The following CPNE8 variants were observed in gnomAD, a reference collection of about 807,000 sequenced individuals.
CPNE8 encodes the protein copine 8, also known as copine-8.
CPNE8 carries 45 observed loss-of-function variants against 81.5 expected under a neutral mutation model. The observed-to-expected ratio is 0.55, with a 90% confidence interval of 0.44 to 0.71. The LOEUF is 0.71. CPNE8 is among the 30% of genes least tolerant of loss of function. CPNE8 has a pLI of 0.00. For synonymous variants in CPNE8, 252 were observed against 226.3 expected (o/e 1.11, Z -1.02); for missense variants, 594 against 672.1 (o/e 0.88, Z 1.28).
chr12:38,683,494 T>C (rs1283137177), intron 16 of CPNE8, among the ~76,000 whole-genome samples: 1 of 152,122 alleles, frequency 6.6e-6, no homozygotes, highest in Non-Finnish European at 1.5e-5. Context: ...TCACACACAC[T>C]ATAACTATGG....
chr12:38,692,125 C>G lies in CPNE8; in HGVS notation c.1143+1532G>C, dbSNP rs143111949. On this transcript the variant is annotated intron_variant, in intron 15 of 19. Coordinates refer to ENST00000331366, the MANE Select transcript of CPNE8 (RefSeq NM_153634.3). ...TGGCCAACACAGTGAAACCCCATCT[C>G]TACTAAAAATACAAAAATTAGCCAG... Among the ~76,000 whole-genome samples the G allele has an allele frequency of 1.0e-3, 158 of 152,100 alleles. 1 individual carries two copies. The highest frequency in any genetic ancestry group is 3.5e-3 in the African/African-American group (146 of 41,520).
chr12:38,796,714 C>A (rs564171451), intron 6 of CPNE8, among the ~76,000 whole-genome samples: 2 of 152,196 alleles, frequency 1.3e-5, no homozygotes, highest in East Asian at 1.9e-4. Context: ...GGGTGGAGCG[C>A]ACCATGTCCA....
chr12:38,906,228 C>T, upstream of CPNE8: 2 of 985,506 alleles, frequency 2.0e-6, no homozygotes, highest in Non-Finnish European at 2.4e-6. Flanking sequence ...CTGGACTGCC[C>T]ACTGTCGGCC....
chr12:38,859,922 A>G (rs1275042928), intron 3 of CPNE8, among the ~76,000 whole-genome samples: 1 of 152,178 alleles, frequency 6.6e-6, no homozygotes, highest in African/African-American at 2.4e-5. Flanking sequence ...AAAATGAAGT[A>G]AAGACATACA....
At chr12:38,795,867 G>GGATAGATAGATGATAGATAGATA (rs1555160624) in intron 6 of CPNE8, among the ~76,000 whole-genome samples, 1 of 148,134 alleles carries the variant, frequency 6.8e-6, no homozygotes, top group African/African-American at 2.5e-5. Flanking sequence ...ATGGATGGAT[G>GGATAGATAGATGATAGATAGATA]GATAGATAGA....
At chr12:38,863,482 A>G (rs985578688) in intron 3 of CPNE8, among the ~76,000 whole-genome samples, 5 of 152,240 alleles carry the variant, frequency 3.3e-5, no homozygotes, top group Non-Finnish European at 7.3e-5. Flanking sequence ...GGCTTGCGTA[A>G]TCTTAACAAC....
At chr12:38,782,859 T>C (rs558971769) in intron 6 of CPNE8, among the ~76,000 whole-genome samples, 1 of 152,138 alleles carries the variant, frequency 6.6e-6, no homozygotes, top group Admixed American at 6.6e-5. Context: ...GTTTTTTCAT[T>C]TTTTTAGACA....
intron 10 of CPNE8, among the ~76,000 whole-genome samples, chr12:38,741,650 G>A (rs1941107936): frequency 6.6e-6 from 1 of 152,120 alleles, no homozygotes. Context: ...AACACCAAAA[G>A]CAATGGCAAC....
At chr12:38,890,164 A>G (rs1042896890) in intron 1 of CPNE8, among the ~76,000 whole-genome samples, 9 of 150,596 alleles carry the variant, frequency 6.0e-5, no homozygotes, top group African/African-American at 2.3e-4. Flanking sequence ...AAGTGGCTTT[A>G]TAATTTTCTT....
chr12:38,883,228 G>C (rs1422143833), intron 1 of CPNE8, among the ~76,000 whole-genome samples: 7 of 152,176 alleles, frequency 4.6e-5, no homozygotes, highest in Non-Finnish European at 1.0e-4. Flanking sequence ...CAAACACTTG[G>C]AGGCGGCTTT....
intron 6 of CPNE8, among the ~76,000 whole-genome samples, chr12:38,793,737 T>C (rs1942385207): frequency 6.6e-6 from 1 of 151,940 alleles, no homozygotes; most frequent in Non-Finnish European, 1.5e-5. Context: ...ATAATTCATA[T>C]AGAACCTCGA....
At chr12:38,847,635 T>A (rs946459550) in intron 4 of CPNE8, among the ~76,000 whole-genome samples, 15 of 152,296 alleles carry the variant, frequency 9.8e-5, no homozygotes, top group African/African-American at 3.4e-4. Context: ...TAGTATAAGA[T>A]CTTTTTTAAA....
chr12:38,797,431 G>A (rs1267336926), intron 6 of CPNE8, among the ~76,000 whole-genome samples: 2 of 152,174 alleles, frequency 1.3e-5, no homozygotes, highest in African/African-American at 4.8e-5. Context: ...GGATACCCAG[G>A]CAAACAGGGT....
rs184916306 is a variant in CPNE8, at chr12:38,745,283, G to A, written c.723-14925C>T. 1.5e-3 allele frequency among the ~76,000 whole-genome samples: 222 copies of A among 152,184 alleles called. 1 individual carries two copies. The highest frequency in any genetic ancestry group is 5.1e-3 in the African/African-American group (210 of 41,508). On this transcript the variant is annotated intron_variant, in intron 10 of 19. Coordinates refer to ENST00000331366, the MANE Select transcript of CPNE8 (RefSeq NM_153634.3). ...TAAATCACATATCATACTTTATTAT[G>A]AACACATCTGGGATACTTCAACACA...
chr12:38,802,692 C>T (rs577435908), intron 6 of CPNE8, among the ~76,000 whole-genome samples: 9 of 151,866 alleles, frequency 5.9e-5, no homozygotes, highest in Admixed American at 5.2e-4. Context: ...GACAAAAAAC[C>T]CTTCCAAAAA....
In CPNE8 at chr12:38,829,405, C is replaced by G. The variant is rs770371243; in HGVS notation, c.381G>C (p.Gln127His). The G allele has an allele frequency of 3.7e-6, 6 of 1,613,152 alleles. No individual in the cohort carries two copies. In the East Asian group the frequency reaches 6.7e-5, roughly 18 times the overall value. The change falls in exon 6 of 20, where the codon CAG becomes CAC. Residue 127 changes from glutamine (Q) to histidine (H), a missense_variant. Gln to His is a conservative substitution (Grantham distance 24, BLOSUM62 0). Coordinates refer to ENST00000331366, the MANE Select transcript of CPNE8 (RefSeq NM_153634.3). Reference protein sequence around the residue: ...FCTLGEIVGSQGSRLEKPIVG... With the variant: ...FCTLGEIVGSHGSRLEKPIVG... ...CTATTGGTTTTTCCAGGCGACTTCC[C>G]TGTGAACCAACGATCTCTCCCAATG...
At chr12:38,676,507 A>G (rs932201258) in intron 17 of CPNE8, among the ~76,000 whole-genome samples, 1 of 152,200 alleles carries the variant, frequency 6.6e-6, no homozygotes, top group African/African-American at 2.4e-5. Context: ...TAGTAGTACC[A>G]TAATCTACCT....
intron 10 of CPNE8, among the ~76,000 whole-genome samples, chr12:38,753,485 A>G (rs1004337896): frequency 6.6e-6 from 1 of 152,172 alleles, no homozygotes; most frequent in Non-Finnish European, 1.5e-5. Context: ...AAGAAAAAGA[A>G]AGATATCAGA....
chr12:38,670,648 A>T, intron 19 of CPNE8, 81 bp downstream of exon 19: 1 of 922,048 alleles, frequency 1.1e-6, no homozygotes, highest in Non-Finnish European at 1.7e-6. Flanking sequence ...AAAGTCTGTT[A>T]TATTTCTAGC....
Sources: allele counts gnomAD v4.1 joint callset (sites outside exome capture counted in the v4.1 genomes callset), GRCh38; gene constraint gnomAD v4.1.1; transcripts MANE v1.5; gene names NCBI Gene and HGNC (gene_info 2026-07-23, HGNC 2026-07-21).